CMYA5: variants seen among roughly 807,000 people sequenced by gnomAD.
CMYA5 encodes cardiomyopathy-associated protein 5.
CMYA5 carries 246 observed loss-of-function variants against 318.9 expected under a neutral mutation model. The ratio of observed to expected loss-of-function variants is 0.77; its 90% CI spans 0.70 to 0.86. CMYA5 has a LOEUF of 0.86. Ranked by LOEUF, CMYA5 falls within the 40% of genes least tolerant of loss-of-function variation. The pLI is 0.00. For missense variants in CMYA5, 4,589 were observed against 4,678.2 expected (o/e 0.98, Z 0.56); for synonymous variants, 1,641 against 1,729.5 (o/e 0.95, Z 1.27).
At position 79,799,370 on chromosome 5, in the gene CMYA5, A is replaced by T. The variant is rs1829329828; in HGVS notation, c.11964A>T (p.Arg3988Ser). Reference protein sequence around the residue: ...SWYMHCSEPQRYTFFYSGIVS... With the variant: ...SWYMHCSEPQSYTFFYSGIVS... ...TGTTTCCCATTCGCTTTCATTTCAG[A>T]TACACATTTTTCTACAGTGGTATTG... The change falls in exon 13 of 13, where the codon AGA becomes AGT. Residue 3988 changes from arginine (R) to serine (S), a missense_variant and splice_region_variant. Arg to Ser is a moderately radical substitution (Grantham distance 110). This residue lies in a region of CMYA5 where 2,431 missense variants were observed against 2,495.1 expected (regional missense o/e 0.97). Transcript: ENST00000446378. 1 of 1,588,666 alleles carries T rather than the reference A, an allele frequency of 6.3e-7. No individual in the cohort carries two copies. Among genetic ancestry groups the T allele is most frequent in the Admixed American group, 1.7e-5 (1 of 58,932 alleles).
Position 79,745,340 on chromosome 5 carries a change from T to A in CMYA5, c.10853T>A (p.Met3618Lys). 1 of 1,613,620 alleles carries A rather than the reference T, an allele frequency of 6.2e-7. No homozygotes were observed. The highest frequency in any genetic ancestry group is 8.5e-7 in the Non-Finnish European group (1 of 1,179,616). ...QSFEEVKKKKMEFLHEQMVHF... is the reference protein window; with the variant it reads ...QSFEEVKKKKKEFLHEQMVHF... ...TTTGAGGAAGTGAAGAAGAAGAAGATGGAGTTCCTGCATGAGCAGATGGTC... is the reference window on the plus strand; with the variant it reads ...TTTGAGGAAGTGAAGAAGAAGAAGAAGGAGTTCCTGCATGAGCAGATGGTC... The change falls in exon 4 of 13, where the codon ATG becomes AAG. Residue 3618 changes from methionine (M) to lysine (K), a missense_variant. By Grantham distance (95) the Met-to-Lys change is moderately conservative (BLOSUM62 -1). Transcript: ENST00000446378.
chr5:79,753,936 T>A (rs1164449461), intron 6 of CMYA5, among the ~76,000 whole-genome samples: 4 of 152,238 alleles, frequency 2.6e-5, no homozygotes, highest in Non-Finnish European at 5.9e-5. Context: ...CTTTTGCTTT[T>A]AAGGGATTCA....
chr5:79,748,193 A>C (rs1248687582), intron 5 of CMYA5, among the ~76,000 whole-genome samples: 2 of 152,146 alleles, frequency 1.3e-5, no homozygotes, highest in Admixed American at 1.3e-4. Context: ...TGAGATTCTG[A>C]TTTAATTGCT....
At chr5:79,783,336 T>TCG in intron 9 of CMYA5, among the ~76,000 whole-genome samples, 1 of 2,096 alleles carries the variant, frequency 4.8e-4, no homozygotes. Flanking sequence ...CCTTTCTCTC[T>TCG]GGCTGCCCTT....
chr5:79,738,162 C>G lies in CMYA5; in HGVS notation c.9397C>G (p.Gln3133Glu). The G allele has an allele frequency of 1.2e-6, 2 of 1,613,816 alleles. No individual in the cohort carries two copies. The highest frequency in any genetic ancestry group is 1.7e-6 in the Non-Finnish European group (2 of 1,179,852). ...NILSHPETQS[Q>E]NSADRNVSKD... ...ATTATCTCATCCAGAGACCCAAAGC[C>G]AAAACTCAGCTGACAGGAATGTTTC... is the stretch of plus-strand genomic sequence containing the variant. The change falls in exon 2 of 13, where the codon CAA becomes GAA. Residue 3133 changes from glutamine (Q) to glutamate (E), a missense_variant. Physicochemically the swap from Gln to Glu is conservative, Grantham distance 29. Around this residue, in one of 3 missense-constraint regions of CMYA5, gnomAD observed 2,431 missense variants for 2,495.1 expected, o/e 0.97. Transcript: ENST00000446378.
In CMYA5 at chr5:79,733,692, A is replaced by G; in HGVS notation, c.4927A>G (p.Ser1643Gly). ...ELPNAGSEFSSDLGRQSGSIG... is the reference protein window; with the variant it reads ...ELPNAGSEFSGDLGRQSGSIG... ...ACCAAATGCTGGGTCAGAATTTTCT[A>G]GTGATTTAGGTAGACAAAGTGGATC... Residue 1643 changes from serine to glycine, a missense_variant, in exon 2 of 13, where the codon AGT becomes GGT. Ser to Gly is a moderately conservative substitution (Grantham distance 56). This residue lies in a region of CMYA5 where 2,132 missense variants were observed against 2,131.3 expected (regional missense o/e 1.00). Coordinates refer to ENST00000446378, the MANE Select transcript of CMYA5 (RefSeq NM_153610.5). 1.2e-6 allele frequency: 2 copies of G among 1,613,934 alleles called. No individual in the cohort carries two copies. Among genetic ancestry groups the G allele is most frequent in the Non-Finnish European group, 1.7e-6 (2 of 1,179,844 alleles).
chr5:79,705,013 C>A (rs1827244886), intron 1 of CMYA5, among the ~76,000 whole-genome samples: 6 of 152,190 alleles, frequency 3.9e-5, no homozygotes, highest in Admixed American at 3.9e-4. Flanking sequence ...TGGCTCACGC[C>A]TGTAATCCCA....
chr5:79,738,753 A>G lies in CMYA5; in HGVS notation c.9988A>G (p.Arg3330Gly). ...QKKAPITEDV[R>G]VATQKISYAV... is the part of the protein sequence containing the mutation. ...GAAAGCTCCCATCACAGAGGACGTC[A>G]GAGTGGCTACCCAGAAAATAAGTTA... is the stretch of plus-strand genomic sequence containing the variant. Residue 3330 changes from arginine to glycine, a missense_variant, in exon 2 of 13, where the codon AGA becomes GGA. Arg to Gly is a moderately radical substitution (Grantham distance 125). Transcript: ENST00000446378. The G allele has an allele frequency of 6.2e-7, 1 of 1,614,000 alleles. No homozygotes were observed. Among genetic ancestry groups the G allele is most frequent in the Non-Finnish European group, 8.5e-7 (1 of 1,179,878 alleles).
At chr5:79,716,646 C>T (rs887363224) in intron 1 of CMYA5, among the ~76,000 whole-genome samples, 1 of 152,174 alleles carries the variant, frequency 6.6e-6, no homozygotes, top group Admixed American at 6.5e-5. Flanking sequence ...CTTTACATCA[C>T]ATAGTTTACT....
chr5:79,722,140 G>T (rs1215497921), intron 1 of CMYA5, among the ~76,000 whole-genome samples: 1 of 152,026 alleles, frequency 6.6e-6, no homozygotes, highest in Non-Finnish European at 1.5e-5. Flanking sequence ...AATTAAACTA[G>T]AAAGTAAACA....
intron 1 of CMYA5, among the ~76,000 whole-genome samples, chr5:79,692,058 T>G (rs182723732): frequency 2.6e-5 from 4 of 152,324 alleles, no homozygotes; most frequent in Non-Finnish European, 4.4e-5. Flanking sequence ...GACCAAAGTT[T>G]TATCATGCAG....
At chr5:79,779,037 A>G (rs1208391448) in intron 9 of CMYA5, among the ~76,000 whole-genome samples, 3 of 65,528 alleles carry the variant, frequency 4.6e-5, no homozygotes, top group Non-Finnish European at 7.5e-5. Flanking sequence ...AGCATTAGGT[A>G]TATCTCCCAA....
Position 79,735,823 on chromosome 5 carries a change from C to G in CMYA5, c.7058C>G (p.Pro2353Arg), listed in dbSNP as rs1828050230. 6.4e-7 allele frequency: 1 copy of G among 1,550,602 alleles called. No homozygotes were observed. Among genetic ancestry groups the G allele is most frequent in the South Asian group, 1.3e-5 (1 of 77,758 alleles). Residue 2353 changes from proline to arginine, a missense_variant, in exon 2 of 13, where the codon CCT becomes CGT. This residue lies in a region of CMYA5 where 2,431 missense variants were observed against 2,495.1 expected (regional missense o/e 0.97). Coordinates refer to ENST00000446378, the MANE Select transcript of CMYA5 (RefSeq NM_153610.5). ...AGAGTCCAGAAGCCAGCAATCGCTC[C>G]TCCATCTAAATGGAATATTTCTATT... ...SKRVQKPAIAPPSKWNISIFK... is the reference protein window; with the variant it reads ...SKRVQKPAIARPSKWNISIFK...
chr5:79,773,695 AGT>A (rs1828892277), intron 9 of CMYA5, among the ~76,000 whole-genome samples: 1 of 151,166 alleles, frequency 6.6e-6, no homozygotes. Flanking sequence ...TTCACGAATG[AGT>A]GAATGAATGA....
rs1004794115 is a variant in CMYA5, at chr5:79,730,242, A to T, written c.1477A>T (p.Ile493Phe). The change falls in exon 2 of 13, where the codon ATT becomes TTT. Residue 493 changes from isoleucine to phenylalanine, a missense_variant. Physicochemically the swap from Ile to Phe is conservative, Grantham distance 21 (BLOSUM62 0). Around this residue, in one of 3 missense-constraint regions of CMYA5, gnomAD observed 2,132 missense variants for 2,131.3 expected, o/e 1.00. Transcript: ENST00000446378. ...EKEENMLEPS[I>F]SLSEPLMLEE... ...GGAGGAAAACATGCTTGAGCCATCCATTTCTCTTTCTGAACCTCTAATGTT... is the reference window on the plus strand; with the variant it reads ...GGAGGAAAACATGCTTGAGCCATCCTTTTCTCTTTCTGAACCTCTAATGTT... 1 of 1,613,826 alleles carries T rather than the reference A, an allele frequency of 6.2e-7. No individual in the cohort carries two copies. Among genetic ancestry groups the T allele is most frequent in the South Asian group, 1.1e-5 (1 of 91,072 alleles).
chr5:79,730,872 C>T lies in CMYA5; in HGVS notation c.2107C>T (p.Pro703Ser). The change falls in exon 2 of 13, where the codon CCA (proline) becomes TCA (serine). Residue 703 changes from proline to serine, a missense_variant. Transcript: ENST00000446378. ...CACATCTGCTTCTGAATATTCAGTTCCATCACTGGCAACAAAAGAGTCACT... is the reference window on the plus strand; with the variant it reads ...CACATCTGCTTCTGAATATTCAGTTTCATCACTGGCAACAAAAGAGTCACT... The part of the protein sequence containing the change: ...DSTSASEYSV[P>S]SLATKESLKK... 6.2e-7 allele frequency: 1 copy of T among 1,613,900 alleles called. No homozygotes were observed. Among genetic ancestry groups the T allele is most frequent in the South Asian group, 1.1e-5 (1 of 91,054 alleles).
At chr5:79,754,633 A>T (rs977682797) in intron 6 of CMYA5, among the ~76,000 whole-genome samples, 1 of 150,984 alleles carries the variant, frequency 6.6e-6, no homozygotes, top group African/African-American at 2.4e-5. Flanking sequence ...GGCTTCCTTG[A>T]TGCTGGCACC....
At chr5:79,697,541 T>C (rs1026693416) in intron 1 of CMYA5, among the ~76,000 whole-genome samples, 4 of 152,228 alleles carry the variant, frequency 2.6e-5, no homozygotes, top group African/African-American at 9.6e-5. Context: ...CCAAGCACTA[T>C]CACTTGTTAT....
intron 1 of CMYA5, among the ~76,000 whole-genome samples, chr5:79,725,301 A>G (rs1312046688): frequency 6.6e-6 from 1 of 152,252 alleles, no homozygotes; most frequent in Non-Finnish European, 1.5e-5. Context: ...GAATTAAATC[A>G]TGTCCTTTGC....
Sources: gnomAD v4.1 joint callset for allele counts (sites outside exome capture counted in the v4.1 genomes callset) on GRCh38, gnomAD v4.1.1 for gene constraint, gnomAD v4.1.1 regional missense constraint, MANE v1.5 for transcripts, NCBI Gene and HGNC (gene_info 2026-07-23, HGNC 2026-07-21) for gene names.